OR2L13: variants seen among roughly 807,000 people sequenced by gnomAD.
The protein encoded by OR2L13 is olfactory receptor 2L13.
In OR2L13, 14 loss-of-function variants were observed where a neutral mutation model predicts 15.3. The observed-to-expected ratio is 0.91, with a 90% CI of 0.60 to 1.43. The LOEUF (loss-of-function observed/expected upper bound fraction) is 1.43. Ranked by LOEUF, OR2L13 falls within the 40% of genes most tolerant of loss-of-function variation. The pLI is 0.00. For missense variants in OR2L13, 367 were observed against 387.9 expected (o/e 0.95, Z 0.45); for synonymous variants, 152 against 142.9 (o/e 1.06, Z -0.45).
At chr1:248,084,000 A>C in the OR2L13 span, 422 of 1,611,280 alleles carry the variant, frequency 2.6e-4, no homozygotes, top group Non-Finnish European at 5.1e-5. Context: ...CACACAGCAG[A>C]TGTACATGGC....
At chr1:247,943,956 G>C in the OR2L13 span, among the ~76,000 whole-genome samples, 1 of 152,204 alleles carries the variant, frequency 6.6e-6, no homozygotes, top group Admixed American at 6.5e-5. Context: ...TTCTCCACGA[G>C]TGGACTTAGT....
chr1:247,993,827 AAGAG>A, the OR2L13 span, among the ~76,000 whole-genome samples: 8 of 85,358 alleles, frequency 9.4e-5, no homozygotes, highest in Admixed American at 9.5e-4. Context: ...AAGAGAAAGA[AAGAG>A]AGAGAGACCT....
chr1:247,975,849 CT>C, the OR2L13 span, among the ~76,000 whole-genome samples: 1 of 151,938 alleles, frequency 6.6e-6, no homozygotes, highest in Non-Finnish European at 1.5e-5. Flanking sequence ...TTTGCTGTTT[CT>C]TTTTATCAAA....
the OR2L13 span, among the ~76,000 whole-genome samples, chr1:247,954,046 A>T: frequency 6.6e-6 from 1 of 152,136 alleles, no homozygotes. Flanking sequence ...ATTCCCATGT[A>T]CATGTGAAAT....
the OR2L13 span, among the ~76,000 whole-genome samples, chr1:247,956,819 G>A: frequency 6.6e-6 from 1 of 152,304 alleles, no homozygotes; most frequent in South Asian, 2.1e-4. Flanking sequence ...TGCTGAAGTT[G>A]CCTATCAGCT....
the OR2L13 span, among the ~76,000 whole-genome samples, chr1:248,008,562 G>A: frequency 6.6e-6 from 1 of 151,756 alleles, no homozygotes; most frequent in Non-Finnish European, 1.5e-5. Context: ...TTACAAAGAG[G>A]CTTAGACTCC....
the OR2L13 span, chr1:248,022,420 A>G: frequency 5.0e-6 from 8 of 1,614,218 alleles, no homozygotes; most frequent in Non-Finnish European, 6.8e-6. Flanking sequence ...TCTTGTGCTC[A>G]CACAGTATAT....
chr1:247,959,293 A>G, the OR2L13 span, among the ~76,000 whole-genome samples: 1 of 152,122 alleles, frequency 6.6e-6, no homozygotes, highest in African/African-American at 2.4e-5. Context: ...TGGCTTGTAG[A>G]GTTTCTGCTG....
chr1:248,041,710 G>C, the OR2L13 span: 1 of 152,148 alleles, frequency 6.6e-6, no homozygotes, highest in Non-Finnish European at 1.5e-5. Flanking sequence ...GACATGAACA[G>C]ACACTTCTCA....
chr1:248,085,573 CAT>C, the OR2L13 span, among the ~76,000 whole-genome samples: 1 of 149,148 alleles, frequency 6.7e-6, no homozygotes, highest in Non-Finnish European at 1.5e-5. Flanking sequence ...TGTGAAATAA[CAT>C]ATTCTACCTG....
At chr1:248,004,028 C>T in the OR2L13 span, 1 of 1,612,844 alleles carries the variant, frequency 6.2e-7, no homozygotes, top group Non-Finnish European at 8.5e-7. Flanking sequence ...GATGGGGGCC[C>T]TGACACGAGT....
At chr1:247,988,431 C>A in the OR2L13 span, among the ~76,000 whole-genome samples, 3 of 152,064 alleles carry the variant, frequency 2.0e-5, no homozygotes, top group Non-Finnish European at 4.4e-5. Context: ...GATTTCATAA[C>A]ATATCATACA....
the OR2L13 span, among the ~76,000 whole-genome samples, chr1:248,077,997 A>C: frequency 0.79 from 119,446 of 152,036 alleles, 51,319 homozygotes; most frequent in South Asian, 0.95. Context: ...GCATCTTATC[A>C]AATAGGATAA....
chr1:248,072,385 C>A, the OR2L13 span, among the ~76,000 whole-genome samples: 105 of 152,288 alleles, frequency 6.9e-4, 1 homozygote, highest in Non-Finnish European at 1.3e-3. Flanking sequence ...GGAAAGGATT[C>A]CCTATTTAAT....
At chr1:248,060,545 G>T in the OR2L13 span, 269 of 681,936 alleles carry the variant, frequency 3.9e-4, 2 homozygotes, top group African/African-American at 4.1e-3. Flanking sequence ...AAATAATAGT[G>T]TATATAGGGC....
At chr1:247,979,175 T>C in the OR2L13 span, among the ~76,000 whole-genome samples, 25 of 152,256 alleles carry the variant, frequency 1.6e-4, no homozygotes, top group Non-Finnish European at 2.4e-4. Context: ...TCTTTTATAT[T>C]ATTATACTTT....
At chr1:248,022,847 G>A in the OR2L13 span, 2 of 1,612,112 alleles carry the variant, frequency 1.2e-6, no homozygotes, top group Non-Finnish European at 1.7e-6. Flanking sequence ...TGGGGGCCCT[G>A]ACACGAGTGA....
chr1:248,013,663 T>G, the OR2L13 span: 24 of 152,276 alleles, frequency 1.6e-4, no homozygotes, highest in African/African-American at 5.8e-4. Flanking sequence ...AAAATGACTT[T>G]GTTCATATGA....
the OR2L13 span, among the ~76,000 whole-genome samples, chr1:247,992,799 G>GA: frequency 1.3e-5 from 2 of 150,744 alleles, no homozygotes; most frequent in African/African-American, 4.9e-5. Flanking sequence ...TAGGTTGATT[G>GA]TAGGTCTTTG....
Sources: gnomAD v4.1 joint callset for allele counts (sites outside exome capture counted in the v4.1 genomes callset) on GRCh38, gnomAD v4.1.1 for gene constraint, MANE v1.5 for transcripts, NCBI Gene and HGNC (gene_info 2026-07-23, HGNC 2026-07-21) for gene names.